Variants in SLC9A5 observed in about 807,000 individuals in gnomAD.
SLC9A5 encodes sodium/hydrogen exchanger 5.
SLC9A5 carries 52 observed loss-of-function variants against 91.7 expected under a neutral mutation model. The ratio of observed to expected loss-of-function variants is 0.57; its 90% CI spans 0.45 to 0.71. The LOEUF (loss-of-function observed/expected upper bound fraction) is 0.71, where lower values mean the gene tolerates loss of function less well. Ranked by LOEUF, SLC9A5 falls within the 30% of genes least tolerant of loss-of-function variation. SLC9A5 has a pLI of 0.00. For synonymous variants in SLC9A5, 419 were observed against 474.5 expected (o/e 0.88, Z 1.52); for missense variants, 871 against 1,158.9 (o/e 0.75, Z 3.61).
chr16:67,266,132 A>T lies in SLC9A5; in HGVS notation c.2125A>T (p.Ser709Cys), dbSNP rs753787983. The stretch of plus-strand genomic sequence containing the variant: ...GGAGTCTGAGGAGGAGGAGGAGGAG[A>T]GCGACAGTTCAGAGACAGAGAAGGA... ...TVESEEEEEE[S>C]DSSETEKEDD... The change falls in exon 15 of 16, where the codon AGC (serine) becomes TGC (cysteine). Residue 709 changes from serine (S) to cysteine (C), a missense_variant. This residue lies in a region of SLC9A5 where 295 missense variants were observed against 326.0 expected (regional missense o/e 0.90). Transcript: ENST00000299798. The T allele has an allele frequency of 6.2e-7, 1 of 1,611,092 alleles. No homozygotes were observed. Among genetic ancestry groups the T allele is most frequent in the Non-Finnish European group, 8.5e-7 (1 of 1,178,660 alleles).
intron 15 of SLC9A5, among the ~76,000 whole-genome samples, chr16:67,268,699 TATATATATA>T (rs1567421696): frequency 6.8e-4 from 63 of 92,626 alleles, no homozygotes; most frequent in African/African-American, 2.3e-3. Flanking sequence ...TATATATATA[TATATATATA>T]TATTTTTACA....
chr16:67,258,567 C>G lies in SLC9A5; in HGVS notation c.1626+120C>G, dbSNP rs2035404465. On this transcript the variant is annotated intron_variant, in intron 10 of 15. Coordinates refer to ENST00000299798, the MANE Select transcript of SLC9A5 (RefSeq NM_004594.3). The surrounding 1 kb of genome is among the most constrained non-coding windows in gnomAD (Gnocchi z 4.5). ...GGGAGTTGGGAATTCCTAGCTGGCT[C>G]CATGGTCTGGTGAAGTGGCAGCGGC... The G allele has an allele frequency of 1.6e-6, 2 of 1,215,936 alleles. No individual in the cohort carries two copies. The highest frequency in any genetic ancestry group is 2.4e-6 in the Non-Finnish European group (2 of 842,524). 75.3% of individuals were successfully genotyped at this position (1,215,936 alleles called of 1,614,324 possible).
intron 10 of SLC9A5, among the ~76,000 whole-genome samples, chr16:67,259,350 T>C (rs1392140356): frequency 9.2e-6 from 1 of 108,414 alleles, no homozygotes; most frequent in African/African-American, 4.0e-5. Context: ...GGTGATAGAG[T>C]GACTCTGTCT....
intron 13 of SLC9A5, 29 bp downstream of exon 13, chr16:67,264,551 G>T (rs1440597223): frequency 1.2e-6 from 2 of 1,611,594 alleles, no homozygotes; most frequent in African/African-American, 2.7e-5. Context: ...ACTCCTCTTG[G>T]GAGCTGGAGG....
At chr16:67,264,308 C>T in intron 12 of SLC9A5, 44 bp from the exon 13 acceptor site, 1 of 1,592,184 alleles carries the variant, frequency 6.3e-7, no homozygotes, top group South Asian at 1.1e-5. Flanking sequence ...TTGTGGGAGG[C>T]CAAGGCATCC....
rs1258956728 is a variant in SLC9A5 at position 67,255,651 on chromosome 16, A to T, written c.734-102A>T. On this transcript the variant is annotated intron_variant, in intron 4 of 15. Coordinates refer to ENST00000299798, the MANE Select transcript of SLC9A5 (RefSeq NM_004594.3). This position sits in a 1 kb window ranked among gnomAD's most constrained non-coding sequence, Gnocchi z 4.9. ...GGCTCTGGGGTTTTGAGCCCCTGGG[A>T]GTGCGGTGGGCATCATCCCTCACTC... The T allele has an allele frequency of 6.5e-6, 9 of 1,375,014 alleles. 1 individual carries two copies. In the African/African-American group the frequency reaches 1.2e-4, roughly 18 times the overall value. The allele number at this position is 1,375,014 out of a possible 1,614,324, so 85.2% of individuals were successfully genotyped here.
chr16:67,269,078 G>A (rs2035837816), intron 15 of SLC9A5, among the ~76,000 whole-genome samples: 1 of 151,834 alleles, frequency 6.6e-6, no homozygotes, highest in South Asian at 2.1e-4. Context: ...GATTTTGTTG[G>A]TTGCATCCCC....
In SLC9A5 at chr16:67,252,892, C is replaced by G; in HGVS notation, c.490+48C>G. 1 of 1,521,796 alleles carries G rather than the reference C, an allele frequency of 6.6e-7. No individual in the cohort carries two copies. The highest frequency in any genetic ancestry group is 8.9e-7 in the Non-Finnish European group (1 of 1,124,570). The allele number at this position is 1,521,796 out of a possible 1,614,324, so 94.3% of individuals were successfully genotyped here. A position where few individuals can be genotyped will look rare whatever the true frequency, so the allele number is the denominator to read the frequency against. ...CTTTGCCAGACCCATCACCCCTCTC[C>G]CTTCTCCTCAAGCTCTGGAGGCCCA... On this transcript the variant is annotated intron_variant, in intron 2 of 15. Transcript: ENST00000299798. This position sits in a 1 kb window ranked among gnomAD's most constrained non-coding sequence, Gnocchi z 4.0.
chr16:67,256,817 C>T lies in SLC9A5; in HGVS notation c.1133-94C>T. 7.1e-7 allele frequency: 1 copy of T among 1,399,010 alleles called. No individual in the cohort carries two copies. Among genetic ancestry groups the T allele is most frequent in the Non-Finnish European group, 1.0e-6 (1 of 996,098 alleles). The allele number at this position is 1,399,010 out of a possible 1,614,324, so 86.7% of individuals were successfully genotyped here. A position where few individuals can be genotyped will look rare whatever the true frequency, so the allele number is the denominator to read the frequency against. On this transcript the variant is annotated intron_variant, in intron 6 of 15. Coordinates refer to ENST00000299798, the MANE Select transcript of SLC9A5 (RefSeq NM_004594.3). This position sits in a 1 kb window ranked among gnomAD's most constrained non-coding sequence, Gnocchi z 4.1. The stretch of plus-strand genomic sequence containing the variant: ...CCTCTTGTTGCTCACCTGTCCCAGC[C>T]CCTGTTAGACCTCAGCCCAGATACT...
intron 2 of SLC9A5, among the ~76,000 whole-genome samples, chr16:67,254,466 G>A (rs756100425): frequency 1.2e-4 from 19 of 152,172 alleles, no homozygotes; most frequent in South Asian, 8.3e-4. Flanking sequence ...GCACAATCTC[G>A]GCTCACTGCG....
chr16:67,257,509 C>T lies in SLC9A5; in HGVS notation c.1426-22C>T. The T allele has an allele frequency of 6.2e-7, 1 of 1,613,948 alleles. No individual in the cohort carries two copies. The highest frequency in any genetic ancestry group is 8.5e-7 in the Non-Finnish European group (1 of 1,179,848). On this transcript the variant is annotated intron_variant, in intron 8 of 15. Coordinates refer to ENST00000299798, the MANE Select transcript of SLC9A5 (RefSeq NM_004594.3). The surrounding 1 kb of genome is among the most constrained non-coding windows in gnomAD (Gnocchi z 5.1). Reference sequence around the variant, plus strand: ...TTTTGGGCAGAGTCCTGATCCAGTCCCCCTACCCACCCCCCTTCTAGACTT... The same window carrying T: ...TTTTGGGCAGAGTCCTGATCCAGTCTCCCTACCCACCCCCCTTCTAGACTT...
chr16:67,251,894 A>G (rs565374601), intron 1 of SLC9A5, among the ~76,000 whole-genome samples: 44 of 152,172 alleles, frequency 2.9e-4, no homozygotes, highest in Non-Finnish European at 5.7e-4. Context: ...GCTTTCTTAC[A>G]TATAAAAAGA....
chr16:67,254,952 T>C (rs996012467), intron 2 of SLC9A5, 69 bp from the exon 3 acceptor site: 2 of 1,514,708 alleles, frequency 1.3e-6, no homozygotes, highest in African/African-American at 2.8e-5. Flanking sequence ...CTGGGCTTGT[T>C]CCAGGGCGTG....
chr16:67,252,506 T>A lies in SLC9A5; in HGVS notation c.188-36T>A. On this transcript the variant is annotated intron_variant, in intron 1 of 15. Transcript: ENST00000299798. The surrounding 1 kb of genome is among the most constrained non-coding windows in gnomAD (Gnocchi z 4.0). ...GGCCTGTGTGTGGGAGGATATTCCA[T>A]AAACTGATCCATCCTGCACTCTTTT... is the stretch of plus-strand genomic sequence containing the variant. 1 of 1,552,304 alleles carries A rather than the reference T, an allele frequency of 6.4e-7. No individual in the cohort carries two copies. Among genetic ancestry groups the A allele is most frequent in the African/African-American group, 1.4e-5 (1 of 73,636 alleles).
At position 67,270,696 on chromosome 16, in the gene SLC9A5, C is replaced by T. The variant is rs910173703; in HGVS notation, c.2219-42C>T. ...AGAATGTGCTTATACTTGAGATTTC[C>T]ACTGTATTGGTAATGAGTTCATGTG... On this transcript the variant is annotated intron_variant, in intron 15 of 15. Coordinates refer to ENST00000299798, the MANE Select transcript of SLC9A5 (RefSeq NM_004594.3). The surrounding 1 kb of genome is among the most constrained non-coding windows in gnomAD (Gnocchi z 4.3). 8 of 1,317,078 alleles carry T rather than the reference C, an allele frequency of 6.1e-6. No individual in the cohort carries two copies. Among genetic ancestry groups the T allele is most frequent in the Non-Finnish European group, 3.1e-6 (3 of 961,556 alleles). 81.6% of individuals were successfully genotyped at this position (1,317,078 alleles called of 1,614,324 possible).
In SLC9A5 at chr16:67,256,260, C is replaced by G. The variant is rs573772179; in HGVS notation, c.912-209C>G. On this transcript the variant is annotated intron_variant, in intron 5 of 15. Coordinates refer to ENST00000299798, the MANE Select transcript of SLC9A5 (RefSeq NM_004594.3). This position sits in a 1 kb window ranked among gnomAD's most constrained non-coding sequence, Gnocchi z 4.1. ...AGTCAGAGCACGTTCCTTCCACCTTCCCTTCCAGGAGACACTGAATGGGAA... is the reference window on the plus strand; with the variant it reads ...AGTCAGAGCACGTTCCTTCCACCTTGCCTTCCAGGAGACACTGAATGGGAA... 1.8e-4 allele frequency among the ~76,000 whole-genome samples: 27 copies of G among 152,316 alleles called. 1 individual carries two copies. Among genetic ancestry groups the G allele is most frequent in the Admixed American group, 1.6e-3 (25 of 15,308 alleles).
At position 67,270,884 on chromosome 16, in the gene SLC9A5, A is replaced by T; in HGVS notation, c.2365A>T (p.Thr789Ser). 1 of 1,614,052 alleles carries T rather than the reference A, an allele frequency of 6.2e-7. No individual in the cohort carries two copies. Among genetic ancestry groups the T allele is most frequent in the Non-Finnish European group, 8.5e-7 (1 of 1,180,010 alleles). Residue 789 changes from threonine (T) to serine (S), a missense_variant, in exon 16 of 16, where the codon ACG becomes TCG. Transcript: ENST00000299798. This position sits in a 1 kb window ranked among gnomAD's most constrained non-coding sequence, Gnocchi z 4.3. The stretch of plus-strand genomic sequence containing the variant: ...CAAGATTGTGCCTGTGGACATGCAG[A>T]CGGGTTGGAACCAGAGCATCTCATC... ...TTKIVPVDMQTGWNQSISSLE... is the reference protein window; with the variant it reads ...TTKIVPVDMQSGWNQSISSLE...
rs1463492259 is a variant in SLC9A5, at chr16:67,270,366, A to G, written c.2219-372A>G. ...GTGCTTGGCTAATTTTTGTATTTTT[A>G]GTAGAGACAGGGTTTCATCATGTTG... is the stretch of plus-strand genomic sequence containing the variant. On this transcript the variant is annotated intron_variant, in intron 15 of 15. Coordinates refer to ENST00000299798, the MANE Select transcript of SLC9A5 (RefSeq NM_004594.3). The surrounding 1 kb of genome is among the most constrained non-coding windows in gnomAD (Gnocchi z 4.3). Among the ~76,000 whole-genome samples the G allele has an allele frequency of 6.6e-6, 1 of 151,912 alleles. No individual in the cohort carries two copies. Among genetic ancestry groups the G allele is most frequent in the Non-Finnish European group, 1.5e-5 (1 of 67,986 alleles).
At chr16:67,268,708 A>ATATATATT (rs2035823412) in intron 15 of SLC9A5, among the ~76,000 whole-genome samples, 1 of 92,762 alleles carries the variant, frequency 1.1e-5, no homozygotes, top group East Asian at 3.4e-4. Context: ...ATATATATAT[A>ATATATATT]TATTTTTACA....
Sources: gnomAD v4.1 joint callset for allele counts (sites outside exome capture counted in the v4.1 genomes callset) on GRCh38, gnomAD v4.1.1 for gene constraint, gnomAD v4.1.1 regional missense constraint, Gnocchi (gnomAD v3.1) non-coding constraint, MANE v1.5 for transcripts, NCBI Gene and HGNC (gene_info 2026-07-23, HGNC 2026-07-21) for gene names.